The following CGNL1 variants were observed in gnomAD, a reference collection of about 807,000 sequenced individuals.
CGNL1 encodes cingulin-like protein 1.
Under a neutral mutation model 141.2 loss-of-function variants are expected in CGNL1, and 132 were observed. The observed-to-expected ratio is 0.93, with a 90% confidence interval of 0.81 to 1.08. The LOEUF (loss-of-function observed/expected upper bound fraction) is 1.08. Among genes scored for constraint, CGNL1 ranks in the 50% least tolerant of loss-of-function variants. CGNL1 has a pLI of 0.00. For synonymous variants in CGNL1, 690 were observed against 622.1 expected (o/e 1.11, Z -1.63); for missense variants, 1,870 against 1,588.6 (o/e 1.18, Z -3.01).
At chr15:57,508,201 A>C (rs9806675) in intron 8 of CGNL1, among the ~76,000 whole-genome samples, 17,033 of 49,392 alleles carry the variant, frequency 0.34, 1,583 homozygotes, top group East Asian at 0.61. Flanking sequence ...CCCCCGCCCC[A>C]CACACACACA....
chr15:57,476,938 C>G (rs1371582968), intron 8 of CGNL1, among the ~76,000 whole-genome samples: 10 of 152,198 alleles, frequency 6.6e-5, no homozygotes, highest in Non-Finnish European at 1.5e-4. Flanking sequence ...CGGGCCTTAT[C>G]CTTGGGGAAC....
chr15:57,544,202 G>C (rs2032724529), intron 15 of CGNL1, among the ~76,000 whole-genome samples: 1 of 152,224 alleles, frequency 6.6e-6, no homozygotes, highest in Non-Finnish European at 1.5e-5. Context: ...AAGCCCGTTT[G>C]ACATCCGGGA....
chr15:57,455,090 T>C (rs2063363390), intron 7 of CGNL1, among the ~76,000 whole-genome samples: 1 of 152,212 alleles, frequency 6.6e-6, no homozygotes, highest in African/African-American at 2.4e-5. Flanking sequence ...TCAAAAATGT[T>C]CTTTCTTATT....
chr15:57,439,083 C>A lies in CGNL1; in HGVS notation c.1084C>A (p.Gln362Lys), dbSNP rs770272209. Reference protein sequence around the residue: ...GVDQLIEKFDQKPGLQRRGRS... With the variant: ...GVDQLIEKFDKKPGLQRRGRS... ...GGATCAGTTAATTGAAAAATTTGAT[C>A]AAAAACCTGGGCTTCAGAGAAGAGG... The change falls in exon 2 of 19, where the codon CAA (glutamine) becomes AAA (lysine). Residue 362 changes from glutamine to lysine, a missense_variant. Coordinates refer to ENST00000281282, the MANE Select transcript of CGNL1 (RefSeq NM_032866.5). 2.4e-5 allele frequency: 39 copies of A among 1,613,694 alleles called. No homozygotes were observed. The highest frequency in any genetic ancestry group is 1.6e-4 in the Middle Eastern group (1 of 6,084).
chr15:57,400,113 C>T (rs750600662), intron 1 of CGNL1, among the ~76,000 whole-genome samples: 3 of 151,902 alleles, frequency 2.0e-5, no homozygotes, highest in Non-Finnish European at 4.4e-5. Flanking sequence ...CCTACCTAAG[C>T]CTCTCGAGTA....
At chr15:57,446,476 A>G (rs572454246) in intron 4 of CGNL1, among the ~76,000 whole-genome samples, 1 of 152,166 alleles carries the variant, frequency 6.6e-6, no homozygotes, top group Admixed American at 6.5e-5. Context: ...TATGTATTAT[A>G]ATAAGTATTC....
chr15:57,504,735 A>C (rs535838325), intron 8 of CGNL1, among the ~76,000 whole-genome samples: 5 of 152,168 alleles, frequency 3.3e-5, no homozygotes, highest in African/African-American at 9.7e-5. Flanking sequence ...GTACCTGGAC[A>C]TGTCACCTGC....
At chr15:57,424,901 A>G (rs2062956209) in intron 1 of CGNL1, among the ~76,000 whole-genome samples, 2 of 152,238 alleles carry the variant, frequency 1.3e-5, no homozygotes, top group African/African-American at 4.8e-5. Flanking sequence ...ATCATCCTAC[A>G]TATTAATGTT....
At chr15:57,417,975 C>G (rs1401866789) in intron 1 of CGNL1, among the ~76,000 whole-genome samples, 1 of 152,020 alleles carries the variant, frequency 6.6e-6, no homozygotes, top group Admixed American at 6.6e-5. Context: ...ACTTTGCATA[C>G]GAACAGGGGT....
chr15:57,513,253 GGTGTGTGTGTGTGTGTGTGT>G (rs369204678), intron 8 of CGNL1, among the ~76,000 whole-genome samples: 1 of 133,890 alleles, frequency 7.5e-6, no homozygotes, highest in Non-Finnish European at 1.6e-5. Flanking sequence ...TGTCAATATG[GGTGTGTGTGTGTGTGTGTGT>G]GTGTGTGTGT....
At chr15:57,510,907 C>T (rs2030239781) in intron 8 of CGNL1, among the ~76,000 whole-genome samples, 1 of 152,178 alleles carries the variant, frequency 6.6e-6, no homozygotes. Context: ...ACAGCTGCTC[C>T]TGGGGCTCCG....
In CGNL1 at chr15:57,452,255, G is replaced by C; in HGVS notation, c.2020G>C (p.Glu674Gln). ...CTCCACATTGCAGCAACGACTGGAA[G>C]AAAGTGAAGGGGAGCTCCGGAAGAA... ...ENSTLQQRLE[E>Q]SEGELRKNLE... Residue 674 changes from glutamate (E) to glutamine (Q), a missense_variant, in exon 6 of 19, where the codon GAA becomes CAA. Physicochemically the swap from Glu to Gln is conservative, Grantham distance 29. Transcript: ENST00000281282. 6.2e-7 allele frequency: 1 copy of C among 1,613,924 alleles called. No homozygotes were observed. The highest frequency in any genetic ancestry group is 2.2e-5 in the East Asian group (1 of 44,856).
At chr15:57,465,383 CTTTTTTT>C (rs11332989) in intron 8 of CGNL1, among the ~76,000 whole-genome samples, 1 of 80,840 alleles carries the variant, frequency 1.2e-5, no homozygotes, top group African/African-American at 5.1e-5. Context: ...TAAAAACTGA[CTTTTTTT>C]TTTTTTTTTT....
At chr15:57,428,443 C>A (rs565072338) in intron 1 of CGNL1, among the ~76,000 whole-genome samples, 31 of 152,252 alleles carry the variant, frequency 2.0e-4, no homozygotes, top group African/African-American at 6.5e-4. Context: ...CAAGATGGTA[C>A]AAAGAAATCA....
rs1488466174 is a variant in CGNL1 at position 57,483,488 on chromosome 15, G to A, written c.2403+21596G>A. Among the ~76,000 whole-genome samples, 9 of 74,908 alleles carry A rather than the reference G, an allele frequency of 1.2e-4. No individual in the cohort carries two copies. In the South Asian group the frequency reaches 3.0e-3, roughly 25 times the overall value. The allele number at this position is 74,908 out of a possible 152,430, so 49.1% of individuals were successfully genotyped here. On this transcript the variant is annotated intron_variant, in intron 8 of 18. Transcript: ENST00000281282. ...GTTTTCTTTTTTTTTTTTTTTTTGTGACAGGGAGGTGGTAGATTCCTTGGG... is the reference window on the plus strand; with the variant it reads ...GTTTTCTTTTTTTTTTTTTTTTTGTAACAGGGAGGTGGTAGATTCCTTGGG...
At position 57,547,994 on chromosome 15, in the gene CGNL1, T is replaced by C. The variant is rs1595822818; in HGVS notation, c.*504T>C. 6.6e-6 allele frequency: 1 copy of C among 150,584 alleles called. No individual in the cohort carries two copies. Among genetic ancestry groups the C allele is most frequent in the Non-Finnish European group, 1.5e-5 (1 of 68,074 alleles). The allele number at this position is 150,584 out of a possible 1,614,324, so 9.3% of individuals were successfully genotyped here. A position where few individuals can be genotyped will look rare whatever the true frequency, so the allele number is the denominator to read the frequency against. On this transcript the variant is annotated 3_prime_UTR_variant, in exon 19 of 19. Coordinates refer to ENST00000281282, the MANE Select transcript of CGNL1 (RefSeq NM_032866.5). ...GGTTTGTAAAGTTCATGCATCTATA[T>C]TGAGTATTCTTTTTTTTTTTTTTTG...
At chr15:57,455,863 T>TA (rs1271215530) in intron 7 of CGNL1, among the ~76,000 whole-genome samples, 24 of 152,210 alleles carry the variant, frequency 1.6e-4, no homozygotes, top group Non-Finnish European at 3.2e-4. Flanking sequence ...TAATGCGAGA[T>TA]ACAGGAGTGG....
chr15:57,390,635 G>A lies in CGNL1; in HGVS notation c.-16+14068G>A, dbSNP rs142880631. Among the ~76,000 whole-genome samples, 483 of 152,228 alleles carry A rather than the reference G, an allele frequency of 3.2e-3. 1 individual carries two copies. The highest frequency in any genetic ancestry group is 0.011 in the African/African-American group (448 of 41,540). ...CCAAACTAGCCTTTTGGGAGCTTGC[G>A]AGACCTAGGCTGACTGGGTGAAAAA... On this transcript the variant is annotated intron_variant, in intron 1 of 18. Transcript: ENST00000281282.
chr15:57,545,581 C>A lies in CGNL1; in HGVS notation c.3501-11C>A. ...GTGAGAGGGTTCTTGGTTCTGTCTC[C>A]CCTCTTCCAGGGATCGGGCCAATCT... On this transcript the variant is annotated splice_polypyrimidine_tract_variant and intron_variant, in intron 16 of 18. Coordinates refer to ENST00000281282, the MANE Select transcript of CGNL1 (RefSeq NM_032866.5). 6.2e-7 allele frequency: 1 copy of A among 1,609,946 alleles called. No homozygotes were observed.
Sources: gnomAD v4.1 joint callset for allele counts (sites outside exome capture counted in the v4.1 genomes callset) on GRCh38, gnomAD v4.1.1 for gene constraint, MANE v1.5 for transcripts, NCBI Gene and HGNC (gene_info 2026-07-23, HGNC 2026-07-21) for gene names.